Variants in CUEDC1 observed in about 807,000 individuals in gnomAD.
The protein encoded by CUEDC1 is CUE domain containing 1.
In CUEDC1, 30 loss-of-function variants were observed where a neutral mutation model predicts 43.7. That is an observed-to-expected ratio of 0.69 (90% CI 0.51 to 0.93). The LOEUF is 0.93. Ranked by LOEUF, CUEDC1 falls within the 40% of genes least tolerant of loss-of-function variation. The pLI is 0.00. For missense variants in CUEDC1, 486 were observed against 549.0 expected, an observed-to-expected ratio of 0.89 and a Z score of 1.15; for synonymous variants, 223 against 223.6, an observed-to-expected ratio of 1.00 and a Z score of 0.02.
chr17:57,881,962 G>A, intron 2 of CUEDC1, among the ~76,000 whole-genome samples: 1 of 152,132 alleles, frequency 6.6e-6, no homozygotes, highest in East Asian at 1.9e-4. Flanking sequence ...GGCCTCCCTG[G>A]CCTCTCCCTC....
chr17:57,894,812 T>C (rs1391055066), intron 1 of CUEDC1, among the ~76,000 whole-genome samples: 1 of 152,146 alleles, frequency 6.6e-6, no homozygotes, highest in African/African-American at 2.4e-5. Context: ...TCAGAGAAGG[T>C]GAATGAGGTC....
intron 1 of CUEDC1, among the ~76,000 whole-genome samples, chr17:57,928,468 G>A (rs1046735623): frequency 1.4e-5 from 2 of 146,300 alleles, no homozygotes; most frequent in Non-Finnish European, 1.5e-5. Context: ...AGAATGGCGT[G>A]AACCCAGAAG....
At chr17:57,938,394 C>T (rs562240631) in intron 1 of CUEDC1, among the ~76,000 whole-genome samples, 1 of 152,212 alleles carries the variant, frequency 6.6e-6, no homozygotes. Context: ...GCTCCATGGC[C>T]TTCCAACAAA....
intron 1 of CUEDC1, among the ~76,000 whole-genome samples, chr17:57,944,337 C>T (rs2586084): frequency 6.6e-6 from 1 of 150,954 alleles, no homozygotes; most frequent in African/African-American, 2.4e-5. Flanking sequence ...CAGCCTCCTG[C>T]GTAGCTGGGA....
At chr17:57,893,051 C>T (rs796138862) in intron 1 of CUEDC1, among the ~76,000 whole-genome samples, 1 of 152,328 alleles carries the variant, frequency 6.6e-6, no homozygotes, top group African/African-American at 2.4e-5. Context: ...TATGAGGACA[C>T]GCAGGCCAGG....
chr17:57,867,743 TTTCTACTCG>T, intron 8 of CUEDC1: 1 of 485,956 alleles, frequency 2.1e-6, no homozygotes, highest in Non-Finnish European at 3.7e-6. Context: ...GAAAGCCGTA[TTTCTACTCG>T]AGGAAGGGAG....
chr17:57,872,900 C>T (rs2074056484), intron 4 of CUEDC1, 45 bp from the exon 5 acceptor site: 2 of 1,554,290 alleles, frequency 1.3e-6, no homozygotes, highest in Admixed American at 1.9e-5. Flanking sequence ...CACAAGGGTA[C>T]ATGTTGCACA....
intron 1 of CUEDC1, among the ~76,000 whole-genome samples, chr17:57,888,152 C>T (rs149696250): frequency 4.0e-4 from 61 of 152,224 alleles, no homozygotes; most frequent in African/African-American, 1.4e-3. Context: ...ATCCACCTGC[C>T]TCAGCCTCCC....
At chr17:57,951,997 G>C (rs2075011812) in intron 1 of CUEDC1, among the ~76,000 whole-genome samples, 1 of 152,154 alleles carries the variant, frequency 6.6e-6, no homozygotes, top group Non-Finnish European at 1.5e-5. Context: ...GAAACACTGA[G>C]TGAGCCAACA....
intron 7 of CUEDC1, among the ~76,000 whole-genome samples, chr17:57,868,838 CCA>C (rs1437488231): frequency 6.6e-6 from 1 of 152,204 alleles, no homozygotes; most frequent in African/African-American, 2.4e-5. Flanking sequence ...CCTCCTCGAG[CCA>C]CAGAGAACGT....
rs1490948099 is a variant in CUEDC1 at position 57,866,677 on chromosome 17, G to A, written c.1094-133C>T. ...TTTGGGACCCATGCAGATCCCCCCA[G>A]GTAGACGATGCATGGGTCCAGGGAG... On this transcript the variant is annotated intron_variant, in intron 9 of 10. Transcript: ENST00000577830. 8 of 784,942 alleles carry A rather than the reference G, an allele frequency of 1.0e-5. No homozygotes were observed. The East Asian group carries it at 2.1e-4, about 21-fold the overall frequency. 48.6% of individuals were successfully genotyped at this position (784,942 alleles called of 1,614,324 possible).
intron 2 of CUEDC1, among the ~76,000 whole-genome samples, chr17:57,882,042 C>T (rs1192979964): frequency 1.3e-5 from 2 of 152,206 alleles, no homozygotes; most frequent in African/African-American, 4.8e-5. Flanking sequence ...GCTCTGCAGC[C>T]TCCTGGCTTA....
At position 57,928,050 on chromosome 17, in the gene CUEDC1, G is replaced by A. The variant is rs562361107; in HGVS notation, c.-316+27175C>T. On this transcript the variant is annotated intron_variant, in intron 1 of 10. Transcript: ENST00000577830. ...GCCACAGGGCACTCAGGTAGTCACT[G>A]GGCAGTGGAAACACGCCTTGTGAAG... Among the ~76,000 whole-genome samples, 3 of 152,322 alleles carry A rather than the reference G, an allele frequency of 2.0e-5. No individual in the cohort carries two copies. The South Asian group carries it at 6.2e-4, about 32-fold the overall frequency.
rs202058025 is a variant in CUEDC1, at chr17:57,884,448, G to A, written c.336+781C>T. On this transcript the variant is annotated intron_variant, in intron 2 of 10. Coordinates refer to ENST00000577830, the MANE Select transcript of CUEDC1 (RefSeq NM_001271875.2). The stretch of plus-strand genomic sequence containing the variant: ...CCTGAACTCATGATCCACCTGCCTC[G>A]GCCTCCCAAAGTGCTGGGATTACAG... 9.9e-5 allele frequency among the ~76,000 whole-genome samples: 15 copies of A among 151,588 alleles called. No individual in the cohort carries two copies. In the South Asian group the frequency reaches 1.3e-3, roughly 13 times the overall value.
At chr17:57,872,642 G>C (rs995711985) in intron 5 of CUEDC1, 21 bp downstream of exon 5, 3 of 1,611,650 alleles carry the variant, frequency 1.9e-6, no homozygotes, top group Non-Finnish European at 2.5e-6. Flanking sequence ...CCAGGGAGAA[G>C]TGGCTGCAGG....
At chr17:57,901,615 C>T (rs951134123) in intron 1 of CUEDC1, among the ~76,000 whole-genome samples, 3 of 152,218 alleles carry the variant, frequency 2.0e-5, no homozygotes, top group African/African-American at 7.2e-5. Context: ...CCCAAACTTG[C>T]ACCTACTCTG....
chr17:57,926,514 G>A (rs2074748806), intron 1 of CUEDC1, among the ~76,000 whole-genome samples: 1 of 152,082 alleles, frequency 6.6e-6, no homozygotes, highest in African/African-American at 2.4e-5. Flanking sequence ...ATTCTGGCCG[G>A]GTGCAGTGGC....
chr17:57,881,030 C>T (rs1363883441), intron 2 of CUEDC1, among the ~76,000 whole-genome samples: 1 of 152,230 alleles, frequency 6.6e-6, no homozygotes, highest in African/African-American at 2.4e-5. Context: ...TTGCAGAAGT[C>T]ACCATAATAA....
intron 1 of CUEDC1, among the ~76,000 whole-genome samples, chr17:57,888,528 A>T (rs1449626366): frequency 4.6e-5 from 7 of 152,218 alleles, no homozygotes; most frequent in African/African-American, 1.7e-4. Context: ...TGTGAGAAGG[A>T]ACATAGGAAG....
Sources: allele counts gnomAD v4.1 joint callset (sites outside exome capture counted in the v4.1 genomes callset), GRCh38; gene constraint gnomAD v4.1.1; transcripts MANE v1.5; gene names NCBI Gene and HGNC (gene_info 2026-07-23, HGNC 2026-07-21).